Variants in CACNA2D3 observed in about 807,000 individuals in gnomAD.
The protein encoded by CACNA2D3 is voltage-dependent calcium channel subunit alpha-2/delta-3.
CACNA2D3 carries 60 observed loss-of-function variants against 160.6 expected under a neutral mutation model. That is an observed-to-expected ratio of 0.37 (90% CI 0.30 to 0.46). CACNA2D3 has a LOEUF of 0.46. CACNA2D3 is among the 20% of genes least tolerant of loss of function. CACNA2D3 has a pLI of 1.00. For missense variants in CACNA2D3, 1,205 were observed against 1,365.0 expected (o/e 0.88, Z 1.85); for synonymous variants, 558 against 492.9 (o/e 1.13, Z -1.75).
intron 2 of CACNA2D3, among the ~76,000 whole-genome samples, chr3:54,256,076 TG>T (rs1408701445): frequency 6.6e-6 from 1 of 152,170 alleles, no homozygotes; most frequent in Non-Finnish European, 1.5e-5. Flanking sequence ...AATGAACCAC[TG>T]GGCTATAGCC....
At chr3:54,486,378 G>A (rs2106910603) in intron 4 of CACNA2D3, among the ~76,000 whole-genome samples, 1 of 152,290 alleles carries the variant, frequency 6.6e-6, no homozygotes, top group African/African-American at 2.4e-5. Flanking sequence ...GAAAAACTGA[G>A]ATTCAGGGAA....
At chr3:54,284,124 A>T (rs1702951353) in intron 2 of CACNA2D3, among the ~76,000 whole-genome samples, 1 of 152,174 alleles carries the variant, frequency 6.6e-6, no homozygotes, top group Non-Finnish European at 1.5e-5. Flanking sequence ...ACATATTAAA[A>T]CCTTTTTCCC....
intron 13 of CACNA2D3, among the ~76,000 whole-genome samples, chr3:54,780,054 C>T (rs1325087366): frequency 3.9e-5 from 6 of 152,138 alleles, no homozygotes; most frequent in Non-Finnish European, 8.8e-5. Context: ...GTTTGTTTCT[C>T]CCTGTCTGTA....
chr3:54,315,015 C>T (rs190161095), intron 2 of CACNA2D3, among the ~76,000 whole-genome samples: 2 of 152,318 alleles, frequency 1.3e-5, no homozygotes, highest in East Asian at 3.9e-4. Context: ...GTAATTTGTA[C>T]TGGCATCCTT....
chr3:54,790,220 G>A (rs1438358335), intron 13 of CACNA2D3, among the ~76,000 whole-genome samples: 2 of 152,128 alleles, frequency 1.3e-5, no homozygotes, highest in African/African-American at 4.8e-5. Context: ...CATATAAAAG[G>A]GGGATAATGA....
At chr3:55,054,637 T>C (rs1704317422) in intron 35 of CACNA2D3, among the ~76,000 whole-genome samples, 1 of 151,152 alleles carries the variant, frequency 6.6e-6, no homozygotes, top group South Asian at 2.1e-4. Context: ...CATTATCTAC[T>C]AACTCTAATA....
intron 27 of CACNA2D3, among the ~76,000 whole-genome samples, chr3:54,949,629 G>A (rs927082242): frequency 6.6e-6 from 1 of 152,174 alleles, no homozygotes; most frequent in Non-Finnish European, 1.5e-5. Context: ...CAAGCGCATT[G>A]GTCACTTATT....
intron 27 of CACNA2D3, among the ~76,000 whole-genome samples, chr3:54,957,444 C>T (rs1358531012): frequency 1.3e-5 from 2 of 148,496 alleles, no homozygotes; most frequent in African/African-American, 5.3e-5. Flanking sequence ...CCACCACACC[C>T]AACCATAAAA....
intron 27 of CACNA2D3, chr3:54,928,139 G>A: frequency 1.9e-6 from 1 of 538,622 alleles, no homozygotes; most frequent in Non-Finnish European, 3.3e-6. Context: ...TTCCATAAGA[G>A]GATCTTGGGA....
chr3:54,192,471 G>C (rs982930100), intron 2 of CACNA2D3, among the ~76,000 whole-genome samples: 2 of 152,148 alleles, frequency 1.3e-5, no homozygotes, highest in Non-Finnish European at 2.9e-5. Flanking sequence ...TAGCCAAACA[G>C]ACCCTTGGGT....
intron 35 of CACNA2D3, among the ~76,000 whole-genome samples, chr3:55,067,629 C>G (rs1406004115): frequency 1.3e-5 from 2 of 152,090 alleles, no homozygotes; most frequent in Non-Finnish European, 1.5e-5. Context: ...ACAGTTACTC[C>G]CTGTCACAGT....
chr3:54,771,456 G>A (rs1283818598), intron 13 of CACNA2D3, among the ~76,000 whole-genome samples: 1 of 152,102 alleles, frequency 6.6e-6, no homozygotes, highest in Non-Finnish European at 1.5e-5. Flanking sequence ...GCAACTCAGG[G>A]GCCTCTTCTA....
At chr3:54,974,837 T>C (rs1702349766) in intron 29 of CACNA2D3, among the ~76,000 whole-genome samples, 1 of 152,160 alleles carries the variant, frequency 6.6e-6, no homozygotes, top group African/African-American at 2.4e-5. Context: ...TAGTGCACCC[T>C]TGGGGCAGGG....
At chr3:54,772,856 C>T (rs528624312) in intron 13 of CACNA2D3, among the ~76,000 whole-genome samples, 1 of 152,282 alleles carries the variant, frequency 6.6e-6, no homozygotes, top group African/African-American at 2.4e-5. Flanking sequence ...CTTGGGAATG[C>T]TATTCAACTT....
chr3:54,400,354 G>C (rs1026790345), intron 4 of CACNA2D3, among the ~76,000 whole-genome samples: 1 of 151,772 alleles, frequency 6.6e-6, no homozygotes, highest in African/African-American at 2.4e-5. Flanking sequence ...GAACTCAGGT[G>C]CCAAAATAAG....
rs532042820 is a variant in CACNA2D3, at chr3:54,484,861, T to G, written c.382-18631T>G. On this transcript the variant is annotated intron_variant, in intron 4 of 37. Transcript: ENST00000474759. ...TAGGTAGATAATTTTTTTTTTTTTT[T>G]TGGGGGATGGAGTCTTACTCTGTTG... Among the ~76,000 whole-genome samples the G allele has an allele frequency of 1.6e-3, 232 of 149,484 alleles. 3 individuals carry two copies. In the South Asian group the frequency reaches 0.04, roughly 26 times the overall value.
At chr3:54,306,664 G>T (rs1442481112) in intron 2 of CACNA2D3, among the ~76,000 whole-genome samples, 2 of 152,170 alleles carry the variant, frequency 1.3e-5, no homozygotes, top group Non-Finnish European at 1.5e-5. Flanking sequence ...GCTGGCCGCT[G>T]CCCTCTCAGG....
intron 3 of CACNA2D3, among the ~76,000 whole-genome samples, chr3:54,326,563 T>G (rs1283468207): frequency 2.0e-5 from 3 of 152,240 alleles, no homozygotes; most frequent in Non-Finnish European, 4.4e-5. Flanking sequence ...GAGGCATACT[T>G]TCAAAAGGAT....
At chr3:54,754,071 A>G (rs1478233250) in intron 12 of CACNA2D3, among the ~76,000 whole-genome samples, 1 of 151,996 alleles carries the variant, frequency 6.6e-6, no homozygotes, top group African/African-American at 2.4e-5. Flanking sequence ...CTAGGACATA[A>G]TAAGTGCTCA....
Sources: gnomAD v4.1 joint callset for allele counts (sites outside exome capture counted in the v4.1 genomes callset) on GRCh38, gnomAD v4.1.1 for gene constraint, MANE v1.5 for transcripts, NCBI Gene and HGNC (gene_info 2026-07-23, HGNC 2026-07-21) for gene names.